The following SMCO2 variants were observed in gnomAD, a reference collection of about 807,000 sequenced individuals.
SMCO2 encodes single-pass membrane and coiled-coil domain-containing protein 2.
A neutral mutation model predicts 29.5 loss-of-function variants in SMCO2; 25 were observed. The ratio of observed to expected loss-of-function variants is 0.85; its 90% CI spans 0.62 to 1.18. The LOEUF (loss-of-function observed/expected upper bound fraction) is 1.18. SMCO2 is among the 50% of genes most tolerant of loss of function. The pLI is 0.00. For missense variants in SMCO2, 348 were observed against 344.5 expected (o/e 1.01, Z -0.08); for synonymous variants, 117 against 123.3 (o/e 0.95, Z 0.34).
chr12:27,463,737 A>T (rs1949476130), upstream of SMCO2, among the ~76,000 whole-genome samples: 1 of 152,200 alleles, frequency 6.6e-6, no homozygotes, highest in Non-Finnish European at 1.5e-5. Flanking sequence ...TAAGCAAACA[A>T]ACAAACCAAC....
At chr12:27,489,060 T>C (rs1949713403) in intron 5 of SMCO2, among the ~76,000 whole-genome samples, 1 of 152,144 alleles carries the variant, frequency 6.6e-6, no homozygotes, top group Non-Finnish European at 1.5e-5. Context: ...TCTTTCCTTT[T>C]TTTTTTGAGA....
At chr12:27,460,069 TA>T in the SMCO2 span, among the ~76,000 whole-genome samples, 1 of 152,244 alleles carries the variant, frequency 6.6e-6, no homozygotes, top group Non-Finnish European at 1.5e-5. Flanking sequence ...TAACTATTTT[TA>T]AAATTAGATC....
the SMCO2 span, among the ~76,000 whole-genome samples, chr12:27,449,341 G>T: frequency 1.3e-5 from 2 of 152,274 alleles, no homozygotes; most frequent in African/African-American, 4.8e-5. Context: ...GTTTATCTTT[G>T]TAAGGGACAA....
chr12:27,491,599 G>A (rs1949735849), intron 5 of SMCO2, among the ~76,000 whole-genome samples: 1 of 152,026 alleles, frequency 6.6e-6, no homozygotes, highest in Non-Finnish European at 1.5e-5. Flanking sequence ...CTACTTGAGG[G>A]TAAATATTCT....
Position 27,501,854 on chromosome 12 carries a change from G to A in SMCO2, c.684-69G>A, listed in dbSNP as rs957080930. ...GAAGTTTTAGAGCTACCTGGGTGGA[G>A]GTGCCAGGAGCCTATCAATGTGATT... On this transcript the variant is annotated intron_variant, in intron 7 of 7. Coordinates refer to ENST00000298876, the Ensembl canonical transcript of SMCO2. The A allele has an allele frequency of 1.6e-6, 2 of 1,217,816 alleles. 1 individual carries two copies. The highest frequency in any genetic ancestry group is 3.2e-5 in the African/African-American group (2 of 61,856). 75.4% of individuals were successfully genotyped at this position (1,217,816 alleles called of 1,614,324 possible).
chr12:27,465,979 C>A (rs1025869636), upstream of SMCO2, among the ~76,000 whole-genome samples: 1 of 152,038 alleles, frequency 6.6e-6, no homozygotes, highest in Non-Finnish European at 1.5e-5. Context: ...CCGAGTTCAC[C>A]AAGAATAATG....
At chr12:27,477,113 A>G (rs917591257) in intron 4 of SMCO2, among the ~76,000 whole-genome samples, 13 of 150,174 alleles carry the variant, frequency 8.7e-5, no homozygotes, top group Non-Finnish European at 5.9e-5. Context: ...TCTTGTGGTG[A>G]TGAATTATCT....
intron 4 of SMCO2, among the ~76,000 whole-genome samples, chr12:27,487,104 A>C (rs879323204): frequency 6.6e-5 from 10 of 152,210 alleles, no homozygotes; most frequent in Non-Finnish European, 1.2e-4. Context: ...ACATGCACTC[A>C]TCTGTATGTG....
chr12:27,425,421 A>G, the SMCO2 span: 1 of 152,128 alleles, frequency 6.6e-6, no homozygotes, highest in Non-Finnish European at 1.5e-5. Flanking sequence ...AGGGTATACT[A>G]ACTGCTGTAA....
At chr12:27,474,403 A>G (rs1316388744) in intron 3 of SMCO2, among the ~76,000 whole-genome samples, 1 of 152,184 alleles carries the variant, frequency 6.6e-6, no homozygotes, top group Non-Finnish European at 1.5e-5. Flanking sequence ...TTTGGTTTTC[A>G]TATCTCTTTA....
the SMCO2 span, among the ~76,000 whole-genome samples, chr12:27,433,372 A>G: frequency 6.6e-6 from 1 of 152,198 alleles, no homozygotes; most frequent in Non-Finnish European, 1.5e-5. Context: ...GTCATTCCTC[A>G]GCTATGGAAA....
intron 7 of SMCO2, among the ~76,000 whole-genome samples, chr12:27,500,241 T>C (rs1289982104): frequency 6.6e-6 from 1 of 150,474 alleles, no homozygotes; most frequent in African/African-American, 2.5e-5. Context: ...TGTATTGACT[T>C]GTAAATAAAA....
chr12:27,437,953 G>A, the SMCO2 span, among the ~76,000 whole-genome samples: 1 of 152,048 alleles, frequency 6.6e-6, no homozygotes, highest in Non-Finnish European at 1.5e-5. Flanking sequence ...ATCATCCTTA[G>A]GCCCCATGTC....
chr12:27,494,285 T>C lies in SMCO2; in HGVS notation c.451-15T>C. ...ATAAGTTTCATTTTACCCAGAATTG[T>C]GGATGTGTTTTTAGGTGAATACTTG... On this transcript the variant is annotated splice_polypyrimidine_tract_variant and intron_variant, in intron 5 of 7. Coordinates refer to ENST00000298876, the Ensembl canonical transcript of SMCO2. 6.9e-7 allele frequency: 1 copy of C among 1,446,430 alleles called. No individual in the cohort carries two copies. The highest frequency in any genetic ancestry group is 9.2e-7 in the Non-Finnish European group (1 of 1,090,230). The allele number at this position is 1,446,430 out of a possible 1,614,324, so 89.6% of individuals were successfully genotyped here.
upstream of SMCO2, among the ~76,000 whole-genome samples, chr12:27,462,708 T>C (rs1949467865): frequency 6.6e-6 from 1 of 152,142 alleles, no homozygotes; most frequent in Admixed American, 6.5e-5. Flanking sequence ...CAAACCAGAG[T>C]AGCCTACTTA....
chr12:27,430,118 C>T, the SMCO2 span, among the ~76,000 whole-genome samples: 9 of 152,222 alleles, frequency 5.9e-5, no homozygotes, highest in Middle Eastern at 3.4e-3. Context: ...CCTTTCTTTT[C>T]CCACTGATTC....
At chr12:27,477,254 A>G (rs1222052344) in intron 4 of SMCO2, among the ~76,000 whole-genome samples, 1 of 125,236 alleles carries the variant, frequency 8.0e-6, no homozygotes, top group African/African-American at 3.0e-5. Context: ...CACTTTGAAT[A>G]TATCATCCCA....
chr12:27,470,871 T>C (rs1592203910), intron 2 of SMCO2, 106 bp downstream of exon 2: 2 of 1,260,194 alleles, frequency 1.6e-6, no homozygotes, highest in Admixed American at 2.5e-5. Flanking sequence ...AGAGTCTAGG[T>C]TGACAGTCTT....
At chr12:27,464,886 G>T (rs544609197), upstream of SMCO2, among the ~76,000 whole-genome samples, 1 of 151,180 alleles carries the variant, frequency 6.6e-6, no homozygotes, top group South Asian at 2.1e-4. Flanking sequence ...AAAATTAGCC[G>T]GGCATGGTGG....
Sources: gnomAD v4.1 joint callset for allele counts (sites outside exome capture counted in the v4.1 genomes callset) on GRCh38, gnomAD v4.1.1 for gene constraint, MANE v1.5 for transcripts, NCBI Gene and HGNC (gene_info 2026-07-23, HGNC 2026-07-21) for gene names.